Variants in MORF4L1 observed in about 807,000 individuals in gnomAD.
The protein encoded by MORF4L1 is mortality factor 4-like protein 1.
A neutral mutation model predicts 52.9 loss-of-function variants in MORF4L1; 4 were observed. That is an observed-to-expected ratio of 0.08 (90% CI 0.04 to 0.17). The LOEUF (loss-of-function observed/expected upper bound fraction) is 0.17. Among genes scored for constraint, MORF4L1 ranks in the 10% least tolerant of loss-of-function variants. The pLI is 1.00. For synonymous variants in MORF4L1, 123 were observed against 134.8 expected (o/e 0.91, Z 0.61); for missense variants, 214 against 390.4 (o/e 0.55, Z 3.81).
intron 5 of MORF4L1, among the ~76,000 whole-genome samples, chr15:78,888,807 T>C (rs551781152): frequency 3.9e-5 from 6 of 152,286 alleles, no homozygotes; most frequent in African/African-American, 1.2e-4. Flanking sequence ...TTAAACTCTT[T>C]TTGGTGAGAA....
intron 5 of MORF4L1, among the ~76,000 whole-genome samples, chr15:78,887,803 A>T (rs964707009): frequency 6.6e-6 from 1 of 151,788 alleles, no homozygotes; most frequent in Non-Finnish European, 1.5e-5. Context: ...TTTGAGACAG[A>T]GTTTCCCTCT....
chr15:78,874,910 A>G (rs945552161), intron 1 of MORF4L1, among the ~76,000 whole-genome samples: 2 of 151,852 alleles, frequency 1.3e-5, no homozygotes, highest in African/African-American at 4.8e-5. Context: ...TAGTATTTCA[A>G]TTAACAGTGT....
At chr15:78,875,422 A>G (rs1020993068) in intron 1 of MORF4L1, among the ~76,000 whole-genome samples, 8 of 152,174 alleles carry the variant, frequency 5.3e-5, no homozygotes, top group Non-Finnish European at 2.9e-5. Flanking sequence ...ATTACTTTCC[A>G]GGTGTGTTTT....
In MORF4L1 at chr15:78,894,863, G is replaced by C. The variant is rs2056860539; in HGVS notation, c.846G>C (p.Lys282Asn). 1 of 1,613,648 alleles carries C rather than the reference G, an allele frequency of 6.2e-7. No individual in the cohort carries two copies. The highest frequency in any genetic ancestry group is 8.5e-7 in the Non-Finnish European group (1 of 1,179,682). Reference sequence around the variant, plus strand: ...TGGCTTATACACCTCTGGATGAGAAGAGCCTTGCTTTATTACTCAATTATC... The same window carrying C: ...TGGCTTATACACCTCTGGATGAGAACAGCCTTGCTTTATTACTCAATTATC... ...AMLAYTPLDE[K>N]SLALLLNYLH... Residue 282 changes from lysine to asparagine, a missense_variant, in exon 11 of 12, where the codon AAG (lysine) becomes AAC (asparagine). Lys to Asn is a moderately conservative substitution (Grantham distance 94). Around this residue, in one of 5 missense-constraint regions of MORF4L1, gnomAD observed 68 missense variants for 171.6 expected, o/e 0.40. Coordinates refer to ENST00000426013, the MANE Select transcript of MORF4L1 (RefSeq NM_006791.4).
intron 2 of MORF4L1, among the ~76,000 whole-genome samples, chr15:78,879,541 A>G (rs1047964207): frequency 6.6e-6 from 1 of 152,136 alleles, no homozygotes; most frequent in Non-Finnish European, 1.5e-5. Flanking sequence ...TAAAAAAGAA[A>G]TCCTAAAATG....
chr15:78,881,208 T>TTTTTG (rs5813941), intron 3 of MORF4L1, among the ~76,000 whole-genome samples: 1 of 147,470 alleles, frequency 6.8e-6, no homozygotes, highest in Non-Finnish European at 1.5e-5. Context: ...TTTTTTTTTT[T>TTTTTG]GAGAGATGGA....
At chr15:78,877,119 T>A (rs1251821463) in intron 1 of MORF4L1, among the ~76,000 whole-genome samples, 30 of 103,624 alleles carry the variant, frequency 2.9e-4, no homozygotes, top group African/African-American at 1.1e-3. Flanking sequence ...GCTGATTTTT[T>A]TTTTTTTTTT....
At chr15:78,890,328 C>T (rs977258122) in intron 5 of MORF4L1, among the ~76,000 whole-genome samples, 1 of 151,532 alleles carries the variant, frequency 6.6e-6, no homozygotes, top group African/African-American at 2.4e-5. Flanking sequence ...TTACACAAAT[C>T]TAAAAATATT....
Position 78,897,637 on chromosome 15 carries a change from A to G in MORF4L1, c.*570A>G, listed in dbSNP as rs1382245199. 6.5e-6 allele frequency: 1 copy of G among 152,738 alleles called. No homozygotes were observed. The highest frequency in any genetic ancestry group is 1.5e-5 in the Non-Finnish European group (1 of 68,104). The allele number at this position is 152,738 out of a possible 1,614,324, so 9.5% of individuals were successfully genotyped here. A position where few individuals can be genotyped will look rare whatever the true frequency, so the allele number is the denominator to read the frequency against. ...TGTGTCTAATGCACGTTTTAACATG[A>G]TAGACGCAATGCATTGTGTAGCTAG... On this transcript the variant is annotated 3_prime_UTR_variant, in exon 12 of 12. Transcript: ENST00000426013.
chr15:78,895,890 A>T (rs985459924), intron 11 of MORF4L1, among the ~76,000 whole-genome samples: 2 of 152,184 alleles, frequency 1.3e-5, no homozygotes, highest in Non-Finnish European at 2.9e-5. Context: ...TTCTTTACTA[A>T]TGATAAATAC....
intron 5 of MORF4L1, among the ~76,000 whole-genome samples, chr15:78,888,804 CTT>C (rs1000915566): frequency 5.3e-5 from 8 of 151,818 alleles, no homozygotes; most frequent in South Asian, 2.1e-4. Flanking sequence ...TTTTTAAACT[CTT>C]TTTGGTGAGA....
At chr15:78,880,084 A>G (rs1015262336) in intron 2 of MORF4L1, among the ~76,000 whole-genome samples, 5 of 152,244 alleles carry the variant, frequency 3.3e-5, no homozygotes, top group Admixed American at 1.3e-4. Flanking sequence ...TCATTGCTTT[A>G]CAAGTTGTTT....
chr15:78,891,414 CAA>C (rs1220908543), intron 6 of MORF4L1, 68 bp from the exon 7 acceptor site: 1 of 1,161,892 alleles, frequency 8.6e-7, no homozygotes, highest in Non-Finnish European at 1.3e-6. Context: ...GTTAATGTGT[CAA>C]GAGACTATTT....
chr15:78,873,285 A>AGCGTTTGGC (rs1281097360), intron 1 of MORF4L1: 1 of 1,393,630 alleles, frequency 7.2e-7, no homozygotes, highest in Non-Finnish European at 9.5e-7. Flanking sequence ...TGGGAGAGAG[A>AGCGTTTGGC]GCGTTTGGCG....
chr15:78,881,567 G>C (rs1003507070), intron 3 of MORF4L1, among the ~76,000 whole-genome samples: 2 of 152,102 alleles, frequency 1.3e-5, no homozygotes, highest in African/African-American at 4.8e-5. Flanking sequence ...AGTGGGTATA[G>C]ATTGAACACA....
At position 78,890,989 on chromosome 15, in the gene MORF4L1, G is replaced by T; in HGVS notation, c.324G>T (p.Val108=). 2 of 1,457,050 alleles carry T rather than the reference G, an allele frequency of 1.4e-6. No individual in the cohort carries two copies. The highest frequency in any genetic ancestry group is 2.5e-5 in the East Asian group (1 of 39,740). 90.3% of individuals were successfully genotyped at this position (1,457,050 alleles called of 1,614,324 possible). ...TSGLQQKNVE[V]KTKKNKQKTP... ...TTTTCTTTTTTTTCTCTCCTTTTAG[G>T]AAAACGAAAAAGAACAAACAGAAAA... The change falls in exon 6 of 12, where the codon GTG becomes GTT. Residue 108 remains valine, a splice_region_variant and synonymous_variant. Transcript: ENST00000426013.
At chr15:78,893,949 A>G (rs547185311) in intron 9 of MORF4L1, 109 bp from the exon 10 acceptor site, 18 of 1,085,752 alleles carry the variant, frequency 1.7e-5, no homozygotes, top group South Asian at 1.5e-4. Flanking sequence ...AATCTCAGCT[A>G]TGGTTCATTA....
intron 5 of MORF4L1, 102 bp from the exon 6 acceptor site, chr15:78,890,887 C>T: frequency 8.8e-7 from 1 of 1,130,238 alleles, no homozygotes; most frequent in Non-Finnish European, 1.2e-6. Context: ...GATCCTTTAT[C>T]CAAGTTAGTA....
In MORF4L1 at chr15:78,897,679, A is replaced by G. The variant is rs1023894593; in HGVS notation, c.*612A>G. The G allele has an allele frequency of 2.6e-5, 4 of 152,652 alleles. No homozygotes were observed. Among genetic ancestry groups the G allele is most frequent in the African/African-American group, 4.8e-5 (2 of 41,458 alleles). 9.5% of individuals were successfully genotyped at this position (152,652 alleles called of 1,614,324 possible). On this transcript the variant is annotated 3_prime_UTR_variant, in exon 12 of 12. Transcript: ENST00000426013. ...TGTAGCTAGTTTTCTGGAAAAGTCA[A>G]TCTTTTAGGAATTGTTTTTCAGATC...
Sources: gnomAD v4.1 joint callset for allele counts (sites outside exome capture counted in the v4.1 genomes callset) on GRCh38, gnomAD v4.1.1 for gene constraint, gnomAD v4.1.1 regional missense constraint, MANE v1.5 for transcripts, NCBI Gene and HGNC (gene_info 2026-07-23, HGNC 2026-07-21) for gene names.